The following NCOA2 variants were observed in gnomAD, a reference collection of about 807,000 sequenced individuals.
NCOA2 encodes the protein nuclear receptor coactivator 2.
NCOA2 carries 21 observed loss-of-function variants against 145.1 expected under a neutral mutation model. That is an observed-to-expected ratio of 0.14 (90% CI 0.10 to 0.21). The LOEUF (loss-of-function observed/expected upper bound fraction) is 0.21, where lower values mean the gene tolerates loss of function less well. Among genes scored for constraint, NCOA2 ranks in the 10% least tolerant of loss-of-function variants. The probability of loss-of-function intolerance (pLI) is 1.00; values close to 1 mark genes in which losing one functional copy is unlikely to be tolerated. For synonymous variants in NCOA2, 619 were observed against 637.5 expected (o/e 0.97, Z 0.44); for missense variants, 1,472 against 1,837.6 (o/e 0.80, Z 3.64).
At chr8:70,406,643 G>T (rs79667516), upstream of NCOA2, among the ~76,000 whole-genome samples, 11,016 of 152,208 alleles carry the variant, frequency 0.072, 531 homozygotes, top group Non-Finnish European at 0.11. Context: ...CATAAATGCA[G>T]CATGGAAAAG....
At position 70,213,951 on chromosome 8, in the gene NCOA2, C is replaced by T; in HGVS notation, c.211G>A (p.Ala71Thr). 6.2e-7 allele frequency: 1 copy of T among 1,610,836 alleles called. No homozygotes were observed. Among genetic ancestry groups the T allele is most frequent in the Non-Finnish European group, 8.5e-7 (1 of 1,178,434 alleles). Residue 71 changes from alanine (A) to threonine (T), a missense_variant, in exon 4 of 23, where the codon GCA becomes ACA. Ala to Thr is a moderately conservative substitution (Grantham distance 58). This residue lies in a region of NCOA2 where 284 missense variants were observed against 467.8 expected (regional missense o/e 0.61). Transcript: ENST00000452400. ...TGCTTCACAGTTTCTTTTAAGATTGCACATTTGTCAGGTTTGAAGTTAAAG... is the reference window on the plus strand; with the variant it reads ...TGCTTCACAGTTTCTTTTAAGATTGTACATTTGTCAGGTTTGAAGTTAAAG... ...DNFNFKPDKC[A>T]ILKETVKQIR...
At chr8:70,433,701 C>T in the NCOA2 span, among the ~76,000 whole-genome samples, 1 of 152,124 alleles carries the variant, frequency 6.6e-6, no homozygotes, top group Non-Finnish European at 1.5e-5. Context: ...GAGTAAAGAT[C>T]TGAGAAATGT....
rs57813061 is a variant in NCOA2, at chr8:70,133,200, C to CTTTTTTTTTTTT, written c.3159-1210_3159-1199dup. Among the ~76,000 whole-genome samples the CTTTTTTTTTTTT allele has an allele frequency of 4.7e-4, 50 of 106,968 alleles. 3 individuals carry two copies. Among genetic ancestry groups the CTTTTTTTTTTTT allele is most frequent in the African/African-American group, 2.0e-3 (49 of 24,856 alleles). The allele number at this position is 106,968 out of a possible 152,430, so 70.2% of individuals were successfully genotyped here. A position where few individuals can be genotyped will look rare whatever the true frequency, so the allele number is the denominator to read the frequency against. On this transcript the variant is annotated intron_variant, in intron 15 of 22. Coordinates refer to ENST00000452400, the MANE Select transcript of NCOA2 (RefSeq NM_006540.4). ...TGTGTGCCACCACAACTGGCTGCTA[C>CTTTTTTTTTTTT]TTTTTTTTTTTTTTTTTTTTGGTAA...
In NCOA2 at chr8:70,183,171, G is replaced by A. The variant is rs1167016408; in HGVS notation, c.260-8312C>T. Among the ~76,000 whole-genome samples, 3 of 152,224 alleles carry A rather than the reference G, an allele frequency of 2.0e-5. No individual in the cohort carries two copies. The East Asian group carries it at 5.8e-4, about 29-fold the overall frequency. On this transcript the variant is annotated intron_variant, in intron 4 of 22. Coordinates refer to ENST00000452400, the MANE Select transcript of NCOA2 (RefSeq NM_006540.4). ...CAAGGAAATAAAGGAATCATAATTT[G>A]CTTAGAAAGTTGAAAGGTGAAATTG...
the NCOA2 span, among the ~76,000 whole-genome samples, chr8:70,442,968 G>A: frequency 1.3e-5 from 2 of 152,264 alleles, no homozygotes; most frequent in Non-Finnish European, 2.9e-5. Flanking sequence ...GTAAGCATCC[G>A]TACGCAGTCC....
At position 70,128,742 on chromosome 8, in the gene NCOA2, T is replaced by A; in HGVS notation, c.3563A>T (p.Gln1188Leu). The change falls in exon 17 of 23, where the codon CAA (glutamine) becomes CTA (leucine). Residue 1188 changes from glutamine (Q) to leucine (L), a missense_variant. Gln to Leu is a moderately radical substitution (Grantham distance 113). Coordinates refer to ENST00000452400, the MANE Select transcript of NCOA2 (RefSeq NM_006540.4). ...PTGLVQNQPN[Q>L]LRLQLQHRLQ... The stretch of plus-strand genomic sequence containing the variant: ...GCGATGCTGAAGTTGAAGTCTTAGT[T>A]GATTTGGCTGGTTCTGCACTAGGCC... The A allele has an allele frequency of 6.2e-7, 1 of 1,613,992 alleles. No individual in the cohort carries two copies. The highest frequency in any genetic ancestry group is 8.5e-7 in the Non-Finnish European group (1 of 1,179,892).
At chr8:70,403,899 GAGAC>G (rs375383721), upstream of NCOA2, 1,253 of 372,096 alleles carry the variant, frequency 3.4e-3, 12 homozygotes, top group African/African-American at 0.024. Context: ...CACTTGCGGA[GAGAC>G]AGACAGCGCG....
chr8:70,434,143 C>T, the NCOA2 span, among the ~76,000 whole-genome samples: 5 of 152,254 alleles, frequency 3.3e-5, no homozygotes, highest in South Asian at 1.0e-3. Context: ...CAAGGAGGAG[C>T]TCCAAAATAA....
intron 1 of NCOA2, chr8:70,402,724 G>A (rs916244215): frequency 3.3e-5 from 5 of 152,366 alleles, no homozygotes; most frequent in African/African-American, 9.7e-5. Context: ...AGAGAAGGGG[G>A]CGAGAAAAGG....
intron 1 of NCOA2, among the ~76,000 whole-genome samples, chr8:70,337,116 T>C (rs1807667845): frequency 6.6e-6 from 1 of 152,178 alleles, no homozygotes; most frequent in Non-Finnish European, 1.5e-5. Context: ...AACTCATTAA[T>C]GTTTTTGAAT....
At chr8:70,213,517 G>A (rs778299786) in intron 4 of NCOA2, among the ~76,000 whole-genome samples, 2 of 152,140 alleles carry the variant, frequency 1.3e-5, no homozygotes. Context: ...AGCTGAAATA[G>A]GAGGTGCTTC....
intron 4 of NCOA2, among the ~76,000 whole-genome samples, chr8:70,187,775 C>T (rs926849031): frequency 1.3e-5 from 2 of 152,158 alleles, no homozygotes; most frequent in African/African-American, 4.8e-5. Context: ...ACAAGAGATG[C>T]TTCCCCACCA....
chr8:70,334,812 T>A (rs149573510), intron 1 of NCOA2, among the ~76,000 whole-genome samples: 372 of 152,158 alleles, frequency 2.4e-3, no homozygotes, highest in African/African-American at 8.4e-3. Context: ...TTAGTAATAT[T>A]CATTTTGCTC....
intron 2 of NCOA2, among the ~76,000 whole-genome samples, chr8:70,249,974 AAAAAAGAAGAAGAAG>A: frequency 6.9e-6 from 1 of 145,484 alleles, no homozygotes; most frequent in African/African-American, 2.7e-5. Context: ...AAAAAAAAAA[AAAAAAGAAGAAGAAG>A]AAGAAGAAGA....
the NCOA2 span, chr8:70,424,362 G>T: frequency 2.7e-6 from 1 of 370,504 alleles, no homozygotes; most frequent in Non-Finnish European, 5.3e-6. Flanking sequence ...TGAATGCATG[G>T]ATTCTGCTTA....
intron 2 of NCOA2, among the ~76,000 whole-genome samples, chr8:70,240,294 T>TA (rs1822014984): frequency 6.6e-6 from 1 of 152,300 alleles, no homozygotes; most frequent in East Asian, 1.9e-4. Flanking sequence ...GAATGAAAAT[T>TA]AAATGAGATA....
intron 1 of NCOA2, among the ~76,000 whole-genome samples, chr8:70,320,818 G>T (rs1297001844): frequency 6.6e-6 from 1 of 152,072 alleles, no homozygotes; most frequent in Admixed American, 6.6e-5. Context: ...AACTGGTCTC[G>T]AAAACAAGGA....
chr8:70,269,695 GACAA>G (rs1824891171), intron 2 of NCOA2, among the ~76,000 whole-genome samples: 1 of 152,030 alleles, frequency 6.6e-6, no homozygotes, highest in Non-Finnish European at 1.5e-5. Context: ...TTTTCACTAA[GACAA>G]ACTAACAACT....
intron 2 of NCOA2, among the ~76,000 whole-genome samples, chr8:70,287,338 T>C (rs1826306366): frequency 6.6e-6 from 1 of 152,156 alleles, no homozygotes; most frequent in African/African-American, 2.4e-5. Flanking sequence ...TTTTCTCTTT[T>C]TTAAATTTTT....
Sources: gnomAD v4.1 joint callset for allele counts (sites outside exome capture counted in the v4.1 genomes callset) on GRCh38, gnomAD v4.1.1 for gene constraint, gnomAD v4.1.1 regional missense constraint, MANE v1.5 for transcripts, NCBI Gene and HGNC (gene_info 2026-07-23, HGNC 2026-07-21) for gene names.